SMIM14: variants seen among roughly 807,000 people sequenced by gnomAD.
SMIM14 encodes the protein chromosome 4 open reading frame 34.
A neutral mutation model predicts 12.6 loss-of-function variants in SMIM14; 5 were observed. The ratio of observed to expected loss-of-function variants is 0.40; its 90% CI spans 0.21 to 0.83. The LOEUF (loss-of-function observed/expected upper bound fraction) is 0.83, where lower values mean the gene tolerates loss of function less well. Ranked by LOEUF, SMIM14 falls within the 40% of genes least tolerant of loss-of-function variation. The pLI, the probability that SMIM14 is intolerant of heterozygous loss-of-function variation, is 0.37. For synonymous variants in SMIM14, 30 were observed against 40.1 expected (o/e 0.75, Z 0.95); for missense variants, 86 against 119.1 (o/e 0.72, Z 1.29).
intron 1 of SMIM14, among the ~76,000 whole-genome samples, chr4:39,628,231 T>C (rs1001697173): frequency 1.5e-4 from 23 of 148,888 alleles, no homozygotes; most frequent in Non-Finnish European, 2.4e-4. Context: ...TGCTTGAACC[T>C]GGGAGGCAGA....
At position 39,547,677 on chromosome 4, in the gene SMIM14, G is replaced by A. The variant is rs1747393620; in HGVS notation, c.*4449C>T. ...GGTCAAATTTGAGCACATAATTCAT[G>A]TAGAGTGACAGACTTTCATTTAGAG... On this transcript the variant is annotated 3_prime_UTR_variant, in exon 5 of 5. Coordinates refer to ENST00000295958, the MANE Select transcript of SMIM14 (RefSeq NM_174921.3). 6.6e-6 allele frequency: 1 copy of A among 152,102 alleles called. No homozygotes were observed. The highest frequency in any genetic ancestry group is 2.4e-5 in the African/African-American group (1 of 41,424). The allele number at this position is 152,102 out of a possible 1,614,324, so 9.4% of individuals were successfully genotyped here. A position where few individuals can be genotyped will look rare whatever the true frequency, so the allele number is the denominator to read the frequency against.
At chr4:39,577,430 C>CTT (rs36049094) in intron 2 of SMIM14, among the ~76,000 whole-genome samples, 3 of 136,896 alleles carry the variant, frequency 2.2e-5, no homozygotes, top group Non-Finnish European at 3.2e-5. Context: ...CCCTTTCAGC[C>CTT]TTTTTTTTTT....
chr4:39,573,101 TTTATTA>T (rs1009233168), intron 2 of SMIM14, among the ~76,000 whole-genome samples: 2 of 145,384 alleles, frequency 1.4e-5, no homozygotes, highest in Non-Finnish European at 3.0e-5. Flanking sequence ...TTATTATTAT[TTTATTA>T]TTATTATTAT....
chr4:39,600,385 T>G (rs1321692502), intron 2 of SMIM14, among the ~76,000 whole-genome samples: 1 of 151,864 alleles, frequency 6.6e-6, no homozygotes, highest in African/African-American at 2.4e-5. Context: ...CCTTAACTGA[T>G]AACACTATTA....
At position 39,586,603 on chromosome 4, in the gene SMIM14, C is replaced by A. The variant is rs28786212; in HGVS notation, c.76-14140G>T. On this transcript the variant is annotated intron_variant, in intron 2 of 4. Coordinates refer to ENST00000295958, the MANE Select transcript of SMIM14 (RefSeq NM_174921.3). ...CTTGCTGAGCTCTCTCCAAAATCACCTTTAATGCCCTTACTTCTACCAACA... is the reference window on the plus strand; with the variant it reads ...CTTGCTGAGCTCTCTCCAAAATCACATTTAATGCCCTTACTTCTACCAACA... 4.6e-3 allele frequency among the ~76,000 whole-genome samples: 695 copies of A among 152,158 alleles called. 10 individuals carry two copies. The highest frequency in any genetic ancestry group is 0.016 in the African/African-American group (660 of 41,434).
chr4:39,581,009 A>G (rs1168569766), intron 2 of SMIM14, among the ~76,000 whole-genome samples: 1 of 152,190 alleles, frequency 6.6e-6, no homozygotes, highest in African/African-American at 2.4e-5. Flanking sequence ...ATTATAGCTA[A>G]TATCACGTGC....
chr4:39,606,595 C>G (rs1040591241), intron 1 of SMIM14, among the ~76,000 whole-genome samples: 1 of 147,678 alleles, frequency 6.8e-6, no homozygotes, highest in African/African-American at 2.5e-5. Context: ...GAGCCAAGAT[C>G]GCGCCACTGC....
At chr4:39,622,519 G>GCCT (rs1715540884) in intron 1 of SMIM14, among the ~76,000 whole-genome samples, 1 of 152,170 alleles carries the variant, frequency 6.6e-6, no homozygotes, top group South Asian at 2.1e-4. Flanking sequence ...TCCTGCCCCA[G>GCCT]CCTCCCAAGT....
At chr4:39,627,909 A>G (rs562342191) in intron 1 of SMIM14, among the ~76,000 whole-genome samples, 1 of 152,370 alleles carries the variant, frequency 6.6e-6, no homozygotes, top group South Asian at 2.1e-4. Flanking sequence ...TTTGTATTCA[A>G]TATCATAACC....
intron 2 of SMIM14, among the ~76,000 whole-genome samples, chr4:39,590,031 A>G (rs1713983830): frequency 6.6e-6 from 1 of 151,212 alleles, no homozygotes; most frequent in Non-Finnish European, 1.5e-5. Flanking sequence ...TCAAAAAAAA[A>G]AAAAAAAAAA....
intron 1 of SMIM14, among the ~76,000 whole-genome samples, chr4:39,625,379 T>C (rs1236867773): frequency 6.6e-6 from 1 of 152,194 alleles, no homozygotes. Flanking sequence ...ATGCCCTTGA[T>C]GTCACAATTC....
chr4:39,585,049 C>T (rs1230976393), intron 2 of SMIM14, among the ~76,000 whole-genome samples: 4 of 151,596 alleles, frequency 2.6e-5, no homozygotes, highest in Admixed American at 6.6e-5. Flanking sequence ...AAAGACATAA[C>T]AGTAAATGCA....
intron 1 of SMIM14, among the ~76,000 whole-genome samples, chr4:39,634,907 C>A (rs1022366552): frequency 2.0e-5 from 3 of 152,172 alleles, no homozygotes; most frequent in Non-Finnish European, 4.4e-5. Flanking sequence ...TTCATTTATT[C>A]AATCAACATT....
chr4:39,574,264 T>C lies in SMIM14; in HGVS notation c.76-1801A>G, dbSNP rs1713051685. On this transcript the variant is annotated intron_variant, in intron 2 of 4. Coordinates refer to ENST00000295958, the MANE Select transcript of SMIM14 (RefSeq NM_174921.3). ...TTTTTTTTTTTTTTTTTTTCTTTTC[T>C]CTTCTTAGAGACGGAGTCTCGCTCT... 3.4e-5 allele frequency among the ~76,000 whole-genome samples: 5 copies of C among 148,608 alleles called. No individual in the cohort carries two copies. In the South Asian group the frequency reaches 1.1e-3, roughly 33 times the overall value.
chr4:39,633,990 G>A (rs763427236), intron 1 of SMIM14, among the ~76,000 whole-genome samples: 11 of 152,146 alleles, frequency 7.2e-5, no homozygotes, highest in African/African-American at 4.8e-5. Context: ...GGAGTGCAGT[G>A]GCACAATGGC....
chr4:39,563,081 A>T (rs186667591), intron 3 of SMIM14, among the ~76,000 whole-genome samples: 1 of 151,222 alleles, frequency 6.6e-6, no homozygotes, highest in East Asian at 2.0e-4. Flanking sequence ...TTTTTTTGAG[A>T]CGGAGTTTCA....
rs776421002 is a variant in SMIM14, at chr4:39,549,623, T to A, written c.*2503A>T. On this transcript the variant is annotated 3_prime_UTR_variant, in exon 5 of 5. Transcript: ENST00000295958. Reference sequence around the variant, plus strand: ...GTGAGCCATAGATTCAGTGACTACATCAATATCTCTTGCCAGGGATTGGCC... The same window carrying A: ...GTGAGCCATAGATTCAGTGACTACAACAATATCTCTTGCCAGGGATTGGCC... 1 of 152,226 alleles carries A rather than the reference T, an allele frequency of 6.6e-6. No individual in the cohort carries two copies. The highest frequency in any genetic ancestry group is 1.5e-5 in the Non-Finnish European group (1 of 68,040). The allele number at this position is 152,226 out of a possible 1,614,324, so 9.4% of individuals were successfully genotyped here. A position where few individuals can be genotyped will look rare whatever the true frequency, so the allele number is the denominator to read the frequency against.
chr4:39,555,459 C>T (rs143145488), intron 4 of SMIM14, among the ~76,000 whole-genome samples: 3 of 152,040 alleles, frequency 2.0e-5, no homozygotes, highest in Non-Finnish European at 2.9e-5. Flanking sequence ...TCTTGAACAC[C>T]GGAGCTCAGG....
chr4:39,637,285 G>A (rs1317525838), intron 1 of SMIM14, among the ~76,000 whole-genome samples: 1 of 151,870 alleles, frequency 6.6e-6, no homozygotes, highest in Non-Finnish European at 1.5e-5. Context: ...ATTAGTTATA[G>A]GCTAGCATAA....
Sources: gnomAD v4.1 joint callset for allele counts (sites outside exome capture counted in the v4.1 genomes callset) on GRCh38, gnomAD v4.1.1 for gene constraint, MANE v1.5 for transcripts, NCBI Gene and HGNC (gene_info 2026-07-23, HGNC 2026-07-21) for gene names.